Variants in PLCB1 observed in about 807,000 individuals in gnomAD.
PLCB1 encodes 1-phosphatidylinositol 4,5-bisphosphate phosphodiesterase beta-1.
In PLCB1, 46 loss-of-function variants were observed where a neutral mutation model predicts 161.8. That is an observed-to-expected ratio of 0.28 (90% confidence interval 0.22 to 0.36). The LOEUF (loss-of-function observed/expected upper bound fraction) is 0.36. PLCB1 is among the 10% of genes least tolerant of loss of function. The pLI is 1.00. For synonymous variants in PLCB1, 517 were observed against 503.7 expected (o/e 1.03, Z -0.35); for missense variants, 1,016 against 1,472.5 (o/e 0.69, Z 5.07).
At chr20:8,689,503 AT>A (rs1038098853) in intron 10 of PLCB1, among the ~76,000 whole-genome samples, 19 of 152,216 alleles carry the variant, frequency 1.2e-4, no homozygotes, top group African/African-American at 3.9e-4. Context: ...CTTTTAATTC[AT>A]TAAGGTGTGT....
At position 8,655,927 on chromosome 20, in the gene PLCB1, C is replaced by T. The variant is rs78264320; in HGVS notation, c.595-1257C>T. On this transcript the variant is annotated intron_variant, in intron 7 of 31. Coordinates refer to ENST00000338037, the MANE Select transcript of PLCB1 (RefSeq NM_015192.4). ...GTGGTACTGAAAAGTGAGCACTCTC[C>T]GGCTAAAGAGATTTCTCTCTTTCTA... Among the ~76,000 whole-genome samples, 965 of 152,080 alleles carry T rather than the reference C, an allele frequency of 6.3e-3. 7 individuals carry two copies. The highest frequency in any genetic ancestry group is 0.022 in the African/African-American group (921 of 41,506).
intron 2 of PLCB1, among the ~76,000 whole-genome samples, chr20:8,308,594 G>T (rs1984242773): frequency 6.8e-6 from 1 of 146,502 alleles, no homozygotes; most frequent in South Asian, 2.2e-4. Flanking sequence ...TGCAGTCTGG[G>T]CAACAGAGCG....
intron 3 of PLCB1, chr20:8,600,820 C>G (rs916564089): frequency 6.6e-6 from 1 of 152,056 alleles, no homozygotes; most frequent in Non-Finnish European, 1.5e-5. Flanking sequence ...TTTTTTAAGC[C>G]CGTTGGAAAA....
intron 2 of PLCB1, among the ~76,000 whole-genome samples, chr20:8,203,750 C>G (rs937260075): frequency 3.3e-5 from 5 of 152,066 alleles, no homozygotes; most frequent in Non-Finnish European, 5.9e-5. Context: ...AATTAAAGGA[C>G]AAATGTTTCT....
intron 2 of PLCB1, among the ~76,000 whole-genome samples, chr20:8,290,916 TAA>T (rs1983353595): frequency 6.6e-6 from 1 of 152,008 alleles, no homozygotes; most frequent in Non-Finnish European, 1.5e-5. Flanking sequence ...ATATAAATTA[TAA>T]GTTACAACTA....
At chr20:8,291,292 A>G (rs1983371441) in intron 2 of PLCB1, among the ~76,000 whole-genome samples, 1 of 152,124 alleles carries the variant, frequency 6.6e-6, no homozygotes, top group African/African-American at 2.4e-5. Context: ...TTGGCACAAC[A>G]CAGGCTTTCT....
At chr20:8,448,049 G>A (rs1980915466) in intron 3 of PLCB1, among the ~76,000 whole-genome samples, 1 of 152,182 alleles carries the variant, frequency 6.6e-6, no homozygotes, top group Non-Finnish European at 1.5e-5. Flanking sequence ...AGATGCTTTG[G>A]CCTGCCAGAG....
chr20:8,656,131 T>C (rs1989451636), intron 7 of PLCB1, among the ~76,000 whole-genome samples: 1 of 152,090 alleles, frequency 6.6e-6, no homozygotes, highest in South Asian at 2.1e-4. Context: ...AACACATCTA[T>C]GTATAATGAT....
intron 3 of PLCB1, among the ~76,000 whole-genome samples, chr20:8,502,199 C>T (rs985418685): frequency 1.3e-5 from 2 of 151,974 alleles, no homozygotes; most frequent in Admixed American, 6.6e-5. Flanking sequence ...TTCTATGGGA[C>T]AGCTCTAAAT....
intron 2 of PLCB1, among the ~76,000 whole-genome samples, chr20:8,350,235 C>T (rs1192188023): frequency 6.6e-6 from 1 of 152,156 alleles, no homozygotes; most frequent in Non-Finnish European, 1.5e-5. Context: ...GATGCTCTCC[C>T]TCGCCTGACC....
intron 26 of PLCB1, among the ~76,000 whole-genome samples, chr20:8,771,877 G>GTTCCTTCCTTCCTTCCTTCC (rs1555789382): frequency 2.7e-5 from 4 of 150,148 alleles, no homozygotes; most frequent in East Asian, 2.0e-4. Context: ...TCCTTCCTTC[G>GTTCCTTCCTTCCTTCCTTCC]TTCCTTCCTT....
chr20:8,638,988 C>CTTTTCTTTTCTTTTCTTTTCTTT (rs76550950), intron 4 of PLCB1, among the ~76,000 whole-genome samples: 28 of 151,440 alleles, frequency 1.8e-4, no homozygotes, highest in African/African-American at 6.8e-4. Context: ...TTCTTTTTTT[C>CTTTTCTTTTCTTTTCTTTTCTTT]TCATGTAGCC....
chr20:8,465,848 A>C (rs2122700130), intron 3 of PLCB1, among the ~76,000 whole-genome samples: 1 of 151,216 alleles, frequency 6.6e-6, no homozygotes, highest in Middle Eastern at 3.4e-3. Context: ...GGATGTGGAG[A>C]AACAGGAACA....
At chr20:8,529,503 T>G (rs1301435596) in intron 3 of PLCB1, among the ~76,000 whole-genome samples, 1 of 152,086 alleles carries the variant, frequency 6.6e-6, no homozygotes, top group East Asian at 1.9e-4. Context: ...TTTAAGGAAG[T>G]GCCTTTTATT....
chr20:8,268,564 C>T (rs1020945688), intron 2 of PLCB1, among the ~76,000 whole-genome samples: 18 of 152,298 alleles, frequency 1.2e-4, no homozygotes, highest in African/African-American at 4.1e-4. Context: ...AATGGTTGAA[C>T]TAATTTACAG....
At chr20:8,384,296 C>T (rs1987355017) in intron 3 of PLCB1, among the ~76,000 whole-genome samples, 1 of 151,726 alleles carries the variant, frequency 6.6e-6, no homozygotes, top group Non-Finnish European at 1.5e-5. Flanking sequence ...GATATCCTTT[C>T]TTCTGCTTGA....
chr20:8,495,416 G>C (rs1184471273), intron 3 of PLCB1, among the ~76,000 whole-genome samples: 3 of 26,806 alleles, frequency 1.1e-4, no homozygotes, highest in Non-Finnish European at 2.1e-4. Context: ...TTTTTTTTTT[G>C]AGACGGAGTC....
chr20:8,845,427 G>A (rs764363795), intron 31 of PLCB1, among the ~76,000 whole-genome samples: 4 of 151,980 alleles, frequency 2.6e-5, no homozygotes, highest in Non-Finnish European at 4.4e-5. Context: ...AATGCTGTTC[G>A]ATACAGTAGC....
At chr20:8,479,071 TAAG>T (rs890763079) in intron 3 of PLCB1, among the ~76,000 whole-genome samples, 24 of 152,288 alleles carry the variant, frequency 1.6e-4, no homozygotes, top group Non-Finnish European at 1.9e-4. Context: ...ATAATATTAA[TAAG>T]AAGTGCACAT....
Sources: gnomAD v4.1 joint callset for allele counts (sites outside exome capture counted in the v4.1 genomes callset) on GRCh38, gnomAD v4.1.1 for gene constraint, MANE v1.5 for transcripts, NCBI Gene and HGNC (gene_info 2026-07-23, HGNC 2026-07-21) for gene names.